Variants in MYO1D observed in about 807,000 individuals in gnomAD.
The protein encoded by MYO1D is unconventional myosin-Id.
Under a neutral mutation model 122.0 loss-of-function variants are expected in MYO1D, and 83 were observed. The ratio of observed to expected loss-of-function variants is 0.68; its 90% confidence interval spans 0.57 to 0.82. The LOEUF is 0.82. MYO1D is among the 40% of genes least tolerant of loss of function. The probability of loss-of-function intolerance (pLI) is 0.00; values close to 1 mark genes in which losing one functional copy is unlikely to be tolerated. For missense variants in MYO1D, 1,157 were observed against 1,269.5 expected (o/e 0.91, Z 1.35); for synonymous variants, 464 against 446.9 (o/e 1.04, Z -0.48).
At chr17:32,688,092 G>A (rs1012762381) in intron 16 of MYO1D, among the ~76,000 whole-genome samples, 4 of 152,126 alleles carry the variant, frequency 2.6e-5, no homozygotes, top group East Asian at 1.9e-4. Context: ...TCTCTGCCCC[G>A]CCTCTTCCAT....
rs1333513707 is a variant in MYO1D at position 32,771,562 on chromosome 17, T to C, written c.619-342A>G. On this transcript the variant is annotated intron_variant, in intron 5 of 21. Transcript: ENST00000318217. ...GGTTGCTTGCTTAGCAGCCTCACTATAGACAGGATATAGTTCTGTCTCAGA... is the reference window on the plus strand; with the variant it reads ...GGTTGCTTGCTTAGCAGCCTCACTACAGACAGGATATAGTTCTGTCTCAGA... Among the ~76,000 whole-genome samples, 3 of 152,228 alleles carry C rather than the reference T, an allele frequency of 2.0e-5. No individual in the cohort carries two copies. In the East Asian group the frequency reaches 5.8e-4, roughly 29 times the overall value.
intron 16 of MYO1D, among the ~76,000 whole-genome samples, chr17:32,708,388 T>C (rs911684077): frequency 1.3e-5 from 2 of 152,228 alleles, no homozygotes; most frequent in Non-Finnish European, 2.9e-5. Flanking sequence ...ATTTTTTGTA[T>C]GCTTTAAATT....
chr17:32,524,296 G>C (rs1369398795), intron 21 of MYO1D, among the ~76,000 whole-genome samples: 1 of 152,218 alleles, frequency 6.6e-6, no homozygotes, highest in Admixed American at 6.5e-5. Context: ...CTATTGGTGA[G>C]AAAGTCTCAG....
intron 21 of MYO1D, among the ~76,000 whole-genome samples, chr17:32,563,779 C>T (rs934732581): frequency 6.6e-6 from 1 of 152,246 alleles, no homozygotes. Context: ...ATTCCTCACC[C>T]TGTCCCTTTG....
intron 19 of MYO1D, among the ~76,000 whole-genome samples, chr17:32,641,688 T>C (rs533582595): frequency 1.3e-5 from 2 of 152,374 alleles, no homozygotes; most frequent in African/African-American, 2.4e-5. Context: ...TGGCCGGTGA[T>C]GATGAGCATT....
chr17:32,577,350 G>A (rs1029150310), intron 21 of MYO1D, among the ~76,000 whole-genome samples: 10 of 151,728 alleles, frequency 6.6e-5, no homozygotes, highest in South Asian at 2.1e-4. Context: ...AGGGCTGGTC[G>A]TGAACTCCTG....
intron 1 of MYO1D, among the ~76,000 whole-genome samples, chr17:32,827,163 G>A (rs1208553421): frequency 6.6e-6 from 1 of 152,166 alleles, no homozygotes; most frequent in Non-Finnish European, 1.5e-5. Flanking sequence ...GATGAACGGA[G>A]AAACAAAATG....
intron 21 of MYO1D, among the ~76,000 whole-genome samples, chr17:32,576,016 C>T (rs1232701372): frequency 6.6e-6 from 1 of 152,090 alleles, no homozygotes; most frequent in Non-Finnish European, 1.5e-5. Flanking sequence ...ACCTCAAAAC[C>T]ACTAAAAGCT....
chr17:32,666,159 G>A (rs879806075), intron 16 of MYO1D, among the ~76,000 whole-genome samples: 2 of 152,072 alleles, frequency 1.3e-5, no homozygotes, highest in Admixed American at 1.3e-4. Context: ...TCTTTATATA[G>A]ATTTTAACCA....
At chr17:32,860,373 C>G (rs777006346) in intron 1 of MYO1D, among the ~76,000 whole-genome samples, 3 of 152,160 alleles carry the variant, frequency 2.0e-5, no homozygotes, top group Non-Finnish European at 2.9e-5. Context: ...AAGCTAGCAA[C>G]CACACACCCC....
chr17:32,836,915 A>C (rs1042773595), intron 1 of MYO1D, among the ~76,000 whole-genome samples: 3 of 152,144 alleles, frequency 2.0e-5, no homozygotes, highest in Admixed American at 1.3e-4. Flanking sequence ...CTAGGAGTTA[A>C]ATCGCTAGGT....
chr17:32,565,731 T>TA (rs2087166984), intron 21 of MYO1D, among the ~76,000 whole-genome samples: 1 of 145,374 alleles, frequency 6.9e-6, no homozygotes, highest in South Asian at 2.3e-4. Flanking sequence ...AGAGTGTGTG[T>TA]GTTTTTTTTT....
intron 11 of MYO1D, among the ~76,000 whole-genome samples, chr17:32,749,401 G>A (rs2089874828): frequency 6.6e-6 from 1 of 152,200 alleles, no homozygotes; most frequent in African/African-American, 2.4e-5. Context: ...GGGTCCCTGA[G>A]AGAGACACAG....
intron 20 of MYO1D, among the ~76,000 whole-genome samples, chr17:32,605,693 G>A (rs183240866): frequency 6.6e-6 from 1 of 152,092 alleles, no homozygotes; most frequent in African/African-American, 2.4e-5. Flanking sequence ...ATGGAAGAGG[G>A]GCCATCTCTA....
At chr17:32,759,317 G>A (rs886942154) in intron 10 of MYO1D, among the ~76,000 whole-genome samples, 7 of 151,946 alleles carry the variant, frequency 4.6e-5, no homozygotes, top group African/African-American at 1.4e-4. Context: ...ATTTTGAGGC[G>A]GGAAAGCTAT....
intron 21 of MYO1D, among the ~76,000 whole-genome samples, chr17:32,556,382 T>C (rs1297664705): frequency 6.6e-6 from 1 of 152,176 alleles, no homozygotes; most frequent in African/African-American, 2.4e-5. Flanking sequence ...GTGGGTGCTC[T>C]GAATGAATGG....
chr17:32,738,514 T>A (rs887197362), intron 13 of MYO1D, 129 bp from the exon 14 acceptor site: 3 of 946,948 alleles, frequency 3.2e-6, no homozygotes, highest in Non-Finnish European at 4.4e-6. Context: ...CAAGGCCTAA[T>A]TGGAATGATG....
At chr17:32,804,342 A>C (rs558819263) in intron 1 of MYO1D, among the ~76,000 whole-genome samples, 1 of 152,238 alleles carries the variant, frequency 6.6e-6, no homozygotes, top group African/African-American at 2.4e-5. Flanking sequence ...ACATAGATAT[A>C]GAGGGCTCTA....
intron 21 of MYO1D, among the ~76,000 whole-genome samples, chr17:32,597,827 C>G (rs2087513395): frequency 6.8e-6 from 1 of 147,330 alleles, no homozygotes; most frequent in South Asian, 2.2e-4. Flanking sequence ...CAAGATTGTG[C>G]CACTGCACTC....
Sources: gnomAD v4.1 joint callset for allele counts (sites outside exome capture counted in the v4.1 genomes callset) on GRCh38, gnomAD v4.1.1 for gene constraint, MANE v1.5 for transcripts, NCBI Gene and HGNC (gene_info 2026-07-23, HGNC 2026-07-21) for gene names.